Variants in CTNNA3 observed in about 807,000 individuals in gnomAD.
CTNNA3 encodes the protein catenin alpha-3.
CTNNA3 carries 76 observed loss-of-function variants against 95.7 expected under a neutral mutation model. That is an observed-to-expected ratio of 0.79 (90% CI 0.66 to 0.96). The LOEUF is 0.96. CTNNA3 is among the 40% of genes least tolerant of loss of function. The pLI is 0.00. For synonymous variants in CTNNA3, 431 were observed against 374.4 expected, an observed-to-expected ratio of 1.15 and a Z score of -1.74; for missense variants, 1,191 against 1,089.8, an observed-to-expected ratio of 1.09 and a Z score of -1.31.
At chr10:67,369,006 T>C (rs577333934) in intron 5 of CTNNA3, among the ~76,000 whole-genome samples, 1 of 152,302 alleles carries the variant, frequency 6.6e-6, no homozygotes, top group African/African-American at 2.4e-5. Context: ...ACTTAAAATG[T>C]ATGCACTCTA....
chr10:66,030,533 C>A (rs907096579), intron 15 of CTNNA3, among the ~76,000 whole-genome samples: 2 of 152,078 alleles, frequency 1.3e-5, no homozygotes, highest in African/African-American at 2.4e-5. Context: ...GGATTCCTAG[C>A]CATCACCATA....
chr10:67,113,476 G>A (rs1859008811), intron 7 of CTNNA3, among the ~76,000 whole-genome samples: 1 of 152,126 alleles, frequency 6.6e-6, no homozygotes, highest in East Asian at 1.9e-4. Context: ...AGCAAAATAG[G>A]AGATAACATT....
intron 9 of CTNNA3, among the ~76,000 whole-genome samples, chr10:66,685,319 ATG>A (rs1413994687): frequency 0.21 from 4,063 of 19,352 alleles, 547 homozygotes; most frequent in East Asian, 0.27. Flanking sequence ...GTGTGTGTGT[ATG>A]TGTGTATATA....
At chr10:67,444,118 A>T (rs1846648490) in intron 5 of CTNNA3, among the ~76,000 whole-genome samples, 1 of 152,096 alleles carries the variant, frequency 6.6e-6, no homozygotes, top group Non-Finnish European at 1.5e-5. Flanking sequence ...CACAAGGATC[A>T]CTCTCAAGGA....
chr10:66,701,118 G>A (rs751844309), intron 9 of CTNNA3, among the ~76,000 whole-genome samples: 1 of 152,114 alleles, frequency 6.6e-6, no homozygotes, highest in Non-Finnish European at 1.5e-5. Context: ...TTGTTGAAAT[G>A]ATTATCCTTT....
intron 5 of CTNNA3, among the ~76,000 whole-genome samples, chr10:67,231,087 G>C (rs961240596): frequency 6.6e-6 from 1 of 152,152 alleles, no homozygotes; most frequent in Admixed American, 6.5e-5. Context: ...AGGCGGCAGC[G>C]AGGCTGGGGG....
rs1862464574 is a variant in CTNNA3, at chr10:67,180,355, G to A, written c.1009C>T (p.Gln337Ter). 1 of 1,613,508 alleles carries A rather than the reference G, an allele frequency of 6.2e-7. No homozygotes were observed. The highest frequency in any genetic ancestry group is 1.7e-5 in the Admixed American group (1 of 59,970). The change falls in exon 7 of 18, where the codon CAG becomes TAG. Residue 337 changes from glutamine to a stop codon, truncating the protein, a stop_gained. Coordinates refer to ENST00000433211, the MANE Select transcript of CTNNA3 (RefSeq NM_013266.4). LOFTEE classifies it high-confidence loss of function. ...RIIAECNAIR[Q>*]ALQDLLSEYM... The stretch of plus-strand genomic sequence containing the variant: ...TCTGAAAGCAGATCCTGAAGAGCCT[G>A]GCGAATGGCGTTGCATTCTGCGATA...
intron 13 of CTNNA3, among the ~76,000 whole-genome samples, chr10:66,225,882 T>C (rs1392976745): frequency 6.6e-6 from 1 of 152,090 alleles, no homozygotes; most frequent in Non-Finnish European, 1.5e-5. Context: ...TTTTGAGAAA[T>C]GTCTATTCAG....
chr10:67,686,251 C>T (rs1257996346), intron 1 of CTNNA3, among the ~76,000 whole-genome samples: 2 of 152,226 alleles, frequency 1.3e-5, no homozygotes, highest in African/African-American at 4.8e-5. Flanking sequence ...TAACTGGGTG[C>T]TGGTCCCTGG....
chr10:66,554,237 T>A (rs1327413704), intron 10 of CTNNA3, among the ~76,000 whole-genome samples: 2 of 152,180 alleles, frequency 1.3e-5, no homozygotes, highest in Non-Finnish European at 2.9e-5. Flanking sequence ...TCCCATTGTT[T>A]TTGTTAATAA....
chr10:66,683,547 C>A (rs2132508468), intron 9 of CTNNA3, among the ~76,000 whole-genome samples: 1 of 152,252 alleles, frequency 6.6e-6, no homozygotes, highest in East Asian at 1.9e-4. Flanking sequence ...CAAAGTGAAC[C>A]AAATGACACT....
At chr10:66,760,694 T>G (rs1839566467) in intron 9 of CTNNA3, among the ~76,000 whole-genome samples, 2 of 152,152 alleles carry the variant, frequency 1.3e-5, no homozygotes, top group African/African-American at 2.4e-5. Context: ...AGTAGAAAAT[T>G]TATAAAGAAA....
chr10:66,850,293 T>G (rs2132378342), intron 7 of CTNNA3, among the ~76,000 whole-genome samples: 1 of 152,284 alleles, frequency 6.6e-6, no homozygotes, highest in East Asian at 1.9e-4. Context: ...ATAAGCAATA[T>G]CTGATAGCAT....
intron 5 of CTNNA3, among the ~76,000 whole-genome samples, chr10:67,409,406 T>C (rs2132833283): frequency 6.6e-6 from 1 of 152,210 alleles, no homozygotes; most frequent in Non-Finnish European, 1.5e-5. Flanking sequence ...TATGCAGCCA[T>C]AAAAAGGAAC....
intron 12 of CTNNA3, among the ~76,000 whole-genome samples, chr10:66,352,128 T>C (rs1289236297): frequency 1.3e-5 from 2 of 152,042 alleles, no homozygotes; most frequent in African/African-American, 4.8e-5. Flanking sequence ...GGTTTTTAAA[T>C]AGTAGAATTT....
At chr10:66,075,608 C>A (rs1182370843) in intron 14 of CTNNA3, among the ~76,000 whole-genome samples, 1 of 151,752 alleles carries the variant, frequency 6.6e-6, no homozygotes, top group Non-Finnish European at 1.5e-5. Flanking sequence ...TAGGCAAGAA[C>A]CAAATGAAAT....
chr10:67,426,011 C>T (rs1256041134), intron 5 of CTNNA3, among the ~76,000 whole-genome samples: 1 of 152,154 alleles, frequency 6.6e-6, no homozygotes, highest in East Asian at 1.9e-4. Flanking sequence ...TGGGGTGTCA[C>T]AGGTCCTAAG....
rs546220582 is a variant in CTNNA3 at position 66,974,965 on chromosome 10, C to T, written c.1048-199441G>A. Among the ~76,000 whole-genome samples, 8 of 152,142 alleles carry T rather than the reference C, an allele frequency of 5.3e-5. No homozygotes were observed. In the South Asian group the frequency reaches 1.7e-3, roughly 32 times the overall value. ...CACAAGCTCTGAGTCAAGAATAGGTCTAAAATCCACAGATGCAATTCTGAA... is the reference window on the plus strand; with the variant it reads ...CACAAGCTCTGAGTCAAGAATAGGTTTAAAATCCACAGATGCAATTCTGAA... On this transcript the variant is annotated intron_variant, in intron 7 of 17. Coordinates refer to ENST00000433211, the MANE Select transcript of CTNNA3 (RefSeq NM_013266.4).
chr10:67,177,050 G>A (rs1253000552), intron 7 of CTNNA3: 2 of 451,128 alleles, frequency 4.4e-6, no homozygotes, highest in African/African-American at 4.0e-5. Context: ...AGCAGCAATA[G>A]AAAACTAACC....
Sources: gnomAD v4.1 joint callset for allele counts (sites outside exome capture counted in the v4.1 genomes callset) on GRCh38, gnomAD v4.1.1 for gene constraint, MANE v1.5 for transcripts, NCBI Gene and HGNC (gene_info 2026-07-23, HGNC 2026-07-21) for gene names.